The following ESR2 variants were observed in gnomAD, a reference collection of about 807,000 sequenced individuals.
ESR2 encodes the protein estrogen receptor beta.
ESR2 carries 36 observed loss-of-function variants against 49.6 expected under a neutral mutation model. That is an observed-to-expected ratio of 0.73 (90% confidence interval 0.56 to 0.96). The LOEUF is 0.96. Among genes scored for constraint, ESR2 ranks in the 40% least tolerant of loss-of-function variants. The probability of loss-of-function intolerance (pLI) is 0.00; values close to 1 mark genes in which losing one functional copy is unlikely to be tolerated. For synonymous variants in ESR2, 320 were observed against 266.1 expected (o/e 1.20, Z -1.97); for missense variants, 714 against 693.0 (o/e 1.03, Z -0.34).
Position 64,294,076 on chromosome 14 carries a change from C to T in ESR2, c.-134G>A, listed in dbSNP as rs959163118. 13 of 152,278 alleles carry T rather than the reference C, an allele frequency of 8.5e-5. No homozygotes were observed. Among genetic ancestry groups the T allele is most frequent in the African/African-American group, 3.1e-4 (13 of 41,460 alleles). 9.4% of individuals were successfully genotyped at this position (152,278 alleles called of 1,614,324 possible). A position where few individuals can be genotyped will look rare whatever the true frequency, so the allele number is the denominator to read the frequency against. On this transcript the variant is annotated 5_prime_UTR_variant, in exon 1 of 9. Coordinates refer to ENST00000341099, the MANE Select transcript of ESR2 (RefSeq NM_001437.3). ...GGCCTTGCCTTCTCTAAAATGCGGA[C>T]ACGTGCTTTTCCCGCATTAGGGGGG...
At chr14:64,235,557 TAAAC>T (rs750228785) in intron 7 of ESR2, among the ~76,000 whole-genome samples, 40 of 152,332 alleles carry the variant, frequency 2.6e-4, no homozygotes, top group African/African-American at 8.4e-4. Flanking sequence ...GGGAGTTTAA[TAAAC>T]AAAGGAATGG....
At chr14:64,292,860 A>G (rs1004288656) in intron 1 of ESR2, among the ~76,000 whole-genome samples, 1 of 152,164 alleles carries the variant, frequency 6.6e-6, no homozygotes, top group Admixed American at 6.5e-5. Flanking sequence ...GTAAACTGTG[A>G]TTAGATTTAT....
At chr14:64,244,186 G>A (rs916101515) in intron 7 of ESR2, among the ~76,000 whole-genome samples, 8 of 152,110 alleles carry the variant, frequency 5.3e-5, no homozygotes, top group African/African-American at 1.9e-4. Context: ...ATCACTTGAG[G>A]TCAGGAGTTC....
intron 1 of ESR2, among the ~76,000 whole-genome samples, chr14:64,288,113 T>C (rs1346246097): frequency 2.0e-5 from 3 of 152,172 alleles, no homozygotes; most frequent in Non-Finnish European, 2.9e-5. Flanking sequence ...TCTCTCTCTC[T>C]CCCAGCACAC....
downstream of ESR2, chr14:64,227,556 G>A (rs1226887837): frequency 6.2e-7 from 1 of 1,614,086 alleles, no homozygotes; most frequent in Admixed American, 1.7e-5. Context: ...GTTGCTTCAG[G>A]CAAAAGAGTC....
intron 1 of ESR2, among the ~76,000 whole-genome samples, chr14:64,309,349 T>C (rs996615243): frequency 6.6e-6 from 1 of 152,190 alleles, no homozygotes; most frequent in African/African-American, 2.4e-5. Flanking sequence ...CAGTGGCTTA[T>C]GCCTATAATC....
intron 1 of ESR2, among the ~76,000 whole-genome samples, chr14:64,316,165 A>C (rs1179935160): frequency 6.7e-6 from 1 of 150,062 alleles, no homozygotes; most frequent in East Asian, 2.0e-4. Flanking sequence ...ACATGCCACC[A>C]TGCCCAGCTA....
chr14:64,261,396 T>A (rs896776370), intron 4 of ESR2, among the ~76,000 whole-genome samples: 35 of 150,888 alleles, frequency 2.3e-4, no homozygotes, highest in African/African-American at 8.1e-4. Context: ...TGCCACCATA[T>A]TTTTCCACGT....
intron 5 of ESR2, 73 bp from the exon 6 acceptor site, chr14:64,257,437 G>A: frequency 3.8e-6 from 6 of 1,572,556 alleles, no homozygotes; most frequent in African/African-American, 1.4e-5. Context: ...GAGACAGAAT[G>A]GCAAGTGTTA....
At chr14:64,294,978 T>C (rs1429627134), upstream of ESR2, among the ~76,000 whole-genome samples, 1 of 152,162 alleles carries the variant, frequency 6.6e-6, no homozygotes, top group Admixed American at 6.5e-5. Context: ...GGCGCCCTTC[T>C]CCGCTGGAGG....
At chr14:64,316,246 A>C (rs1030581833) in intron 1 of ESR2, among the ~76,000 whole-genome samples, 1 of 149,284 alleles carries the variant, frequency 6.7e-6, no homozygotes, top group African/African-American at 2.5e-5. Flanking sequence ...TCCTGGGCTC[A>C]AGTGATCCTC....
chr14:64,260,852 A>G, intron 4 of ESR2, 104 bp from the exon 5 acceptor site: 1 of 1,101,094 alleles, frequency 9.1e-7, no homozygotes, highest in Non-Finnish European at 1.2e-6. Flanking sequence ...CGTACCAAAG[A>G]TTACTATGGT....
At chr14:64,273,400 A>C (rs1397004746) in intron 3 of ESR2, among the ~76,000 whole-genome samples, 4 of 152,170 alleles carry the variant, frequency 2.6e-5, no homozygotes, top group African/African-American at 9.7e-5. Context: ...TATAGAGGAA[A>C]GGCTTTCAGT....
chr14:64,233,302 C>T lies in ESR2; in HGVS notation c.1428G>A (p.Leu476=). 1 of 1,613,754 alleles carries T rather than the reference C, an allele frequency of 6.2e-7. No individual in the cohort carries two copies. Among genetic ancestry groups the T allele is most frequent in the African/African-American group, 1.3e-5 (1 of 75,036 alleles). Residue 476 remains leucine (L), a synonymous_variant, in exon 9 of 9, where the codon CTG becomes CTA. Coordinates refer to ENST00000341099, the MANE Select transcript of ESR2 (RefSeq NM_001437.3). The stretch of plus-strand genomic sequence containing the variant: ...CCACATTTTTGCACTTCATGTTGAG[C>T]AGATGTTCCATGCCCTTGTTACTAT... ...RHASNKGMEH[L]LNMKCKNVVP...
chr14:64,242,645 T>C (rs957477164), intron 7 of ESR2, among the ~76,000 whole-genome samples: 15 of 152,226 alleles, frequency 9.9e-5, no homozygotes, highest in Admixed American at 2.6e-4. Context: ...TGCTTATACA[T>C]GCATGAGGGA....
At chr14:64,286,203 G>C (rs538561935) in intron 1 of ESR2, among the ~76,000 whole-genome samples, 1 of 152,154 alleles carries the variant, frequency 6.6e-6, no homozygotes, top group South Asian at 2.1e-4. Flanking sequence ...AAGGAGAGGA[G>C]AGAGAATGGT....
At chr14:64,237,125 A>T (rs139202049) in intron 7 of ESR2, among the ~76,000 whole-genome samples, 3 of 151,712 alleles carry the variant, frequency 2.0e-5, no homozygotes, top group East Asian at 1.9e-4. Flanking sequence ...CATGCCCAGC[A>T]AATTTTTTGT....
chr14:64,227,877 A>T, downstream of ESR2: 3 of 1,597,230 alleles, frequency 1.9e-6, no homozygotes, highest in Non-Finnish European at 2.5e-6. Context: ...ACATTTTCAC[A>T]TGACTCTTGG....
rs779905252 is a variant in ESR2, at chr14:64,283,015, T to C, written c.-30A>G. The C allele has an allele frequency of 5.0e-6, 8 of 1,585,604 alleles. No individual in the cohort carries two copies. The Admixed American group carries it at 1.4e-4, about 28-fold the overall frequency. ...TGAGATAACAGCTGAGAAAACACCT[T>C]GCAAGAAGAGGCACAAAGGTCATTA... is the stretch of plus-strand genomic sequence containing the variant. On this transcript the variant is annotated 5_prime_UTR_variant, in exon 2 of 9. Coordinates refer to ENST00000341099, the MANE Select transcript of ESR2 (RefSeq NM_001437.3).
Sources: gnomAD v4.1 joint callset for allele counts (sites outside exome capture counted in the v4.1 genomes callset) on GRCh38, gnomAD v4.1.1 for gene constraint, MANE v1.5 for transcripts, NCBI Gene and HGNC (gene_info 2026-07-23, HGNC 2026-07-21) for gene names.